The following CACUL1 variants were observed in gnomAD, a reference collection of about 807,000 sequenced individuals.
CACUL1 encodes the protein CDK2 associated cullin domain 1, also known as CDK2-associated and cullin domain-containing protein 1.
Under a neutral mutation model 45.2 loss-of-function variants are expected in CACUL1, and 13 were observed. The ratio of observed to expected loss-of-function variants is 0.29; its 90% CI spans 0.19 to 0.46. The LOEUF (loss-of-function observed/expected upper bound fraction) is 0.46, where lower values mean the gene tolerates loss of function less well. Ranked by LOEUF, CACUL1 falls within the 20% of genes least tolerant of loss-of-function variation. The pLI is 1.00. For synonymous variants in CACUL1, 197 were observed against 174.2 expected, an observed-to-expected ratio of 1.13 and a Z score of -1.03; for missense variants, 421 against 471.4, an observed-to-expected ratio of 0.89 and a Z score of 0.99.
intron 3 of CACUL1, among the ~76,000 whole-genome samples, chr10:118,709,957 G>A (rs1845468926): frequency 6.6e-6 from 1 of 151,810 alleles, no homozygotes. Context: ...CCAGGCTGGA[G>A]TGCAGTACCA....
At chr10:118,696,821 A>G (rs958684780) in intron 5 of CACUL1, among the ~76,000 whole-genome samples, 2 of 152,228 alleles carry the variant, frequency 1.3e-5, no homozygotes, top group African/African-American at 2.4e-5. Flanking sequence ...TTAGGTTTTC[A>G]AAGTTCTCTC....
At chr10:118,732,988 G>A (rs369847005) in intron 1 of CACUL1, among the ~76,000 whole-genome samples, 11 of 152,056 alleles carry the variant, frequency 7.2e-5, no homozygotes, top group South Asian at 2.1e-4. Flanking sequence ...TAGATAACAC[G>A]CTCAAAAAGA....
Position 118,684,923 on chromosome 10 carries a change from G to C in CACUL1, c.*1205C>G, listed in dbSNP as rs1411731309. On this transcript the variant is annotated 3_prime_UTR_variant, in exon 9 of 9. Transcript: ENST00000369151. The stretch of plus-strand genomic sequence containing the variant: ...TATTTTTCTTGGGCTTTCAACAACA[G>C]CTAGAATAAGCTTCAGAAACTTTTA... The C allele has an allele frequency of 6.6e-6, 1 of 152,192 alleles. No homozygotes were observed. The highest frequency in any genetic ancestry group is 6.6e-5 in the Admixed American group (1 of 15,264). The allele number at this position is 152,192 out of a possible 1,614,324, so 9.4% of individuals were successfully genotyped here.
At chr10:118,752,378 T>C (rs191526069) in intron 1 of CACUL1, among the ~76,000 whole-genome samples, 17 of 152,298 alleles carry the variant, frequency 1.1e-4, no homozygotes, top group African/African-American at 3.8e-4. Context: ...CTGGATCTAG[T>C]TGAATGATTT....
At chr10:118,724,717 C>T (rs1020254753) in intron 3 of CACUL1, among the ~76,000 whole-genome samples, 1 of 152,060 alleles carries the variant, frequency 6.6e-6, no homozygotes, top group African/African-American at 2.4e-5. Context: ...CCAATGATGA[C>T]GTGGAAGAGG....
intron 5 of CACUL1, among the ~76,000 whole-genome samples, chr10:118,698,700 C>T (rs1278198327): frequency 6.6e-6 from 1 of 152,220 alleles, no homozygotes; most frequent in Non-Finnish European, 1.5e-5. Context: ...TGAGCCACAT[C>T]AGACAATGCT....
At chr10:118,719,529 T>C (rs1589611445) in intron 3 of CACUL1, among the ~76,000 whole-genome samples, 1 of 152,318 alleles carries the variant, frequency 6.6e-6, no homozygotes, top group East Asian at 1.9e-4. Flanking sequence ...TGGAATTTCT[T>C]GGCCGGATGC....
intron 1 of CACUL1, among the ~76,000 whole-genome samples, chr10:118,744,096 G>C (rs1309312361): frequency 1.3e-5 from 2 of 152,166 alleles, no homozygotes; most frequent in Non-Finnish European, 1.5e-5. Flanking sequence ...TCATATGAAA[G>C]ATCTGGAGGC....
intron 3 of CACUL1, among the ~76,000 whole-genome samples, chr10:118,725,890 C>T (rs1845647369): frequency 6.6e-6 from 1 of 152,212 alleles, no homozygotes; most frequent in Non-Finnish European, 1.5e-5. Flanking sequence ...ACTCTTCAAT[C>T]TCCCCAACAG....
Position 118,707,602 on chromosome 10 carries a change from A to G in CACUL1, c.598-15T>C. 2 of 1,269,540 alleles carry G rather than the reference A, an allele frequency of 1.6e-6. No homozygotes were observed. Among genetic ancestry groups the G allele is most frequent in the Admixed American group, 1.8e-5 (1 of 55,466 alleles). 78.6% of individuals were successfully genotyped at this position (1,269,540 alleles called of 1,614,324 possible). ...GGAGGGCTGGCCTGTGAGAAAGAAC[A>G]GAAGTGTGATCAATCTGGGAAACCA... On this transcript the variant is annotated splice_polypyrimidine_tract_variant and intron_variant, in intron 3 of 8. Transcript: ENST00000369151.
chr10:118,678,824 T>C lies in CACUL1; in HGVS notation c.*7304A>G, dbSNP rs1845122300. 1 of 152,170 alleles carries C rather than the reference T, an allele frequency of 6.6e-6. No homozygotes were observed. The highest frequency in any genetic ancestry group is 6.5e-5 in the Admixed American group (1 of 15,276). 9.4% of individuals were successfully genotyped at this position (152,170 alleles called of 1,614,324 possible). The stretch of plus-strand genomic sequence containing the variant: ...TTTTCCTACTGAAGGGTACAATGTG[T>C]TTTATGTATGTGTGTGTTATGTATC... On this transcript the variant is annotated 3_prime_UTR_variant, in exon 9 of 9. Coordinates refer to ENST00000369151, the MANE Select transcript of CACUL1 (RefSeq NM_153810.5).
At chr10:118,733,036 T>A (rs1268868080) in intron 1 of CACUL1, among the ~76,000 whole-genome samples, 2 of 152,136 alleles carry the variant, frequency 1.3e-5, no homozygotes, top group African/African-American at 4.8e-5. Flanking sequence ...AACATACCTA[T>A]CTTCTGGGCT....
chr10:118,710,526 C>T (rs977849325), intron 3 of CACUL1, among the ~76,000 whole-genome samples: 6 of 152,164 alleles, frequency 3.9e-5, no homozygotes, highest in African/African-American at 1.4e-4. Flanking sequence ...AGACATAAGG[C>T]CTCCCTGACT....
chr10:118,754,416 T>A lies in CACUL1; in HGVS notation c.347A>T (p.Asn116Ile). ...APTASSTININTSTSKFLMNV... is the reference protein window; with the variant it reads ...APTASSTINIITSTSKFLMNV... ...CTCACAGAACTTGGAGGTGGAGGTG[T>A]TGATGTTGATGGTGGAGCTGGCGGT... is the stretch of plus-strand genomic sequence containing the variant. The change falls in exon 1 of 9, where the codon AAC becomes ATC. Residue 116 changes from asparagine to isoleucine, a missense_variant. This residue lies in a region of CACUL1 where 213 missense variants were observed against 173.1 expected (regional missense o/e 1.23). Coordinates refer to ENST00000369151, the MANE Select transcript of CACUL1 (RefSeq NM_153810.5). 1 of 1,585,578 alleles carries A rather than the reference T, an allele frequency of 6.3e-7. No homozygotes were observed. The highest frequency in any genetic ancestry group is 1.4e-5 in the African/African-American group (1 of 73,942).
rs759920622 is a variant in CACUL1, at chr10:118,685,798, T to C, written c.*330A>G. The C allele has an allele frequency of 4.8e-6, 1 of 207,212 alleles. No individual in the cohort carries two copies. The highest frequency in any genetic ancestry group is 9.6e-6 in the Non-Finnish European group (1 of 104,230). 12.8% of individuals were successfully genotyped at this position (207,212 alleles called of 1,614,324 possible). ...TAAAAAAAAAATTCTTCTGCTCTTA[T>C]ATTTTTGGAGGAAGCTGCTGATTTT... is the stretch of plus-strand genomic sequence containing the variant. On this transcript the variant is annotated 3_prime_UTR_variant, in exon 9 of 9. Coordinates refer to ENST00000369151, the MANE Select transcript of CACUL1 (RefSeq NM_153810.5).
rs1845119134 is a variant in CACUL1 at position 118,678,516 on chromosome 10, T to C, written c.*7612A>G. ...AAATTGTCAGGTTCCACAGTGAAAA[T>C]CATTGGGAATTTTTTTGGAATTGCA... is the stretch of plus-strand genomic sequence containing the variant. On this transcript the variant is annotated 3_prime_UTR_variant, in exon 9 of 9. Transcript: ENST00000369151. 1 of 152,294 alleles carries C rather than the reference T, an allele frequency of 6.6e-6. No individual in the cohort carries two copies. Among genetic ancestry groups the C allele is most frequent in the East Asian group, 1.9e-4 (1 of 5,184 alleles). 9.4% of individuals were successfully genotyped at this position (152,294 alleles called of 1,614,324 possible).
Position 118,682,331 on chromosome 10 carries a change from AC to A in CACUL1, c.*3796del, listed in dbSNP as rs1564825872. On this transcript the variant is annotated 3_prime_UTR_variant, in exon 9 of 9. Coordinates refer to ENST00000369151, the MANE Select transcript of CACUL1 (RefSeq NM_153810.5). ...TTTAATAGCTGCTTATGAAACAATA[AC>A]AGTTTAACTCAAGGGCAATGCTTCT... The A allele has an allele frequency of 6.6e-6, 1 of 152,242 alleles. No homozygotes were observed. The highest frequency in any genetic ancestry group is 6.5e-5 in the Admixed American group (1 of 15,288). 9.4% of individuals were successfully genotyped at this position (152,242 alleles called of 1,614,324 possible).
At chr10:118,730,535 CCTAA>C (rs1396385306) in intron 1 of CACUL1, 125 bp from the exon 2 acceptor site, 6 of 873,368 alleles carry the variant, frequency 6.9e-6, no homozygotes, top group African/African-American at 6.8e-5. Context: ...CACTCTATCA[CCTAA>C]CTATCCTATT....
chr10:118,710,201 C>T (rs966481696), intron 3 of CACUL1, among the ~76,000 whole-genome samples: 1 of 151,910 alleles, frequency 6.6e-6, no homozygotes, highest in Non-Finnish European at 1.5e-5. Context: ...GCTGGGATTA[C>T]AGGTGTGAGC....
Sources: gnomAD v4.1 joint callset for allele counts (sites outside exome capture counted in the v4.1 genomes callset) on GRCh38, gnomAD v4.1.1 for gene constraint, gnomAD v4.1.1 regional missense constraint, MANE v1.5 for transcripts, NCBI Gene and HGNC (gene_info 2026-07-23, HGNC 2026-07-21) for gene names.